Variants in ATP13A4 observed in about 807,000 individuals in gnomAD.
The protein encoded by ATP13A4 is ATPase 13A4, also known as probable cation-transporting ATPase 13A4.
In ATP13A4, 114 loss-of-function variants were observed where a neutral mutation model predicts 142.5. The ratio of observed to expected loss-of-function variants is 0.80; its 90% CI spans 0.69 to 0.93. The LOEUF (loss-of-function observed/expected upper bound fraction) is 0.93. Among genes scored for constraint, ATP13A4 ranks in the 40% least tolerant of loss-of-function variants. The probability of loss-of-function intolerance (pLI) is 0.00; values close to 1 mark genes in which losing one functional copy is unlikely to be tolerated. For missense variants in ATP13A4, 1,392 were observed against 1,454.0 expected (o/e 0.96, Z 0.69); for synonymous variants, 488 against 514.8 (o/e 0.95, Z 0.70).
At chr3:193,526,504 G>A (rs974612622) in intron 1 of ATP13A4, among the ~76,000 whole-genome samples, 9 of 152,122 alleles carry the variant, frequency 5.9e-5, no homozygotes, top group African/African-American at 1.9e-4. Flanking sequence ...CCTAATACGT[G>A]CAGGGCTTAA....
chr3:193,524,238 T>G (rs1721880244), intron 1 of ATP13A4, among the ~76,000 whole-genome samples: 1 of 152,228 alleles, frequency 6.6e-6, no homozygotes, highest in Non-Finnish European at 1.5e-5. Context: ...ACCTCCCAAC[T>G]TAATAGCCAA....
At chr3:193,437,917 C>T (rs542045331) in intron 23 of ATP13A4, among the ~76,000 whole-genome samples, 5 of 150,318 alleles carry the variant, frequency 3.3e-5, no homozygotes, top group Middle Eastern at 3.5e-3. Flanking sequence ...CTGCAATCTC[C>T]ACCTCCCAGG....
chr3:193,445,367 C>T lies in ATP13A4; in HGVS notation c.2153-2811G>A, dbSNP rs145165088. On this transcript the variant is annotated intron_variant, in intron 18 of 29. Coordinates refer to ENST00000342695, the MANE Select transcript of ATP13A4 (RefSeq NM_032279.4). The stretch of plus-strand genomic sequence containing the variant: ...AGGAGAATCACTTGAACCCAGGAGG[C>T]GGAGGTTGCAGCGAGCCGAGATCGC... Among the ~76,000 whole-genome samples, 1,012 of 151,828 alleles carry T rather than the reference C, an allele frequency of 6.7e-3. 14 individuals are homozygous for T. Among genetic ancestry groups the T allele is most frequent in the African/African-American group, 0.023 (968 of 41,390 alleles).
At chr3:193,583,971 C>A (rs1268464187) in intron 1 of ATP13A4, among the ~76,000 whole-genome samples, 1 of 152,118 alleles carries the variant, frequency 6.6e-6, no homozygotes, top group African/African-American at 2.4e-5. Context: ...TCAGGTGTGG[C>A]TGGATAAACT....
intron 1 of ATP13A4, among the ~76,000 whole-genome samples, chr3:193,541,110 G>A (rs925044614): frequency 1.7e-4 from 25 of 150,986 alleles, no homozygotes; most frequent in African/African-American, 5.6e-4. Context: ...TTAGCCGGGC[G>A]TGGTGGCAGG....
chr3:193,461,283 G>T (rs989341375), intron 13 of ATP13A4, among the ~76,000 whole-genome samples: 5 of 152,210 alleles, frequency 3.3e-5, no homozygotes, highest in African/African-American at 1.2e-4. Context: ...TTTTAGATGA[G>T]CGATTACTGT....
At chr3:193,562,656 G>A (rs779591991) in intron 2 of ATP13A4, among the ~76,000 whole-genome samples, 5 of 152,124 alleles carry the variant, frequency 3.3e-5, no homozygotes, top group Non-Finnish European at 5.9e-5. Flanking sequence ...CAGATGATGA[G>A]GTCAGGAGTT....
chr3:193,545,055 A>G (rs1241539622), intron 1 of ATP13A4, among the ~76,000 whole-genome samples: 1 of 152,238 alleles, frequency 6.6e-6, no homozygotes, highest in East Asian at 1.9e-4. Flanking sequence ...AAATATATCA[A>G]ATAAAGTCAA....
Position 193,400,003 on chromosome 3 carries a change from C to T in ATP13A4, c.*2649G>A, listed in dbSNP as rs1459331536. Among the ~76,000 whole-genome samples the T allele has an allele frequency of 1.3e-5, 2 of 152,192 alleles. No individual in the cohort carries two copies. Among genetic ancestry groups the T allele is most frequent in the Non-Finnish European group, 2.9e-5 (2 of 68,034 alleles). ...GAATAGCCACTTGTTCCTCCAATGT[C>T]CTAGAGTACATTCCACTGCTATCAG... On this transcript the variant is annotated 3_prime_UTR_variant, in exon 30 of 30. Transcript: ENST00000342695.
rs1718580096 is a variant in ATP13A4 at position 193,470,885 on chromosome 3, C to G, written c.917G>C (p.Cys306Ser). ...TGTCAGCATGCCTTCATCCACCACA[C>G]AGCTGCCTTCAATCAGAACGGCATC... ...PCDAVLIEGS[C>S]VVDEGMLTGE... The change falls in exon 9 of 30, where the codon TGT becomes TCT. Residue 306 changes from cysteine to serine, a missense_variant. By Grantham distance (112) the Cys-to-Ser change is moderately radical (BLOSUM62 -1). Transcript: ENST00000342695. 2 of 1,613,996 alleles carry G rather than the reference C, an allele frequency of 1.2e-6. No individual in the cohort carries two copies. The highest frequency in any genetic ancestry group is 1.7e-5 in the Admixed American group (1 of 60,008).
chr3:193,497,732 T>C (rs1265175604), intron 3 of ATP13A4, among the ~76,000 whole-genome samples: 1 of 152,072 alleles, frequency 6.6e-6, no homozygotes, highest in African/African-American at 2.4e-5. Context: ...GGAATGTTAT[T>C]TGGCCCTAAA....
At chr3:193,457,251 G>T in intron 15 of ATP13A4, 98 bp from the exon 16 acceptor site, 1 of 1,581,132 alleles carries the variant, frequency 6.3e-7, no homozygotes, top group East Asian at 2.2e-5. Flanking sequence ...TAACAAATAA[G>T]GGGGAAGGTC....
intron 2 of ATP13A4, among the ~76,000 whole-genome samples, chr3:193,505,815 C>T (rs1273697826): frequency 6.6e-6 from 1 of 152,162 alleles, no homozygotes; most frequent in Non-Finnish European, 1.5e-5. Context: ...TCATTGACTT[C>T]TCAGTTTTCA....
rs537036159 is a variant in ATP13A4 at position 193,421,662 on chromosome 3, T to C, written c.2843-6912A>G. The stretch of plus-strand genomic sequence containing the variant: ...GTAAATTGCGACACTAAAATATAAA[T>C]TGGGGGAAGGATGAAAGTCTAGAGA... On this transcript the variant is annotated intron_variant, in intron 25 of 29. Coordinates refer to ENST00000342695, the MANE Select transcript of ATP13A4 (RefSeq NM_032279.4). 6.0e-5 allele frequency among the ~76,000 whole-genome samples: 9 copies of C among 149,708 alleles called. 1 individual carries two copies. Among genetic ancestry groups the C allele is most frequent in the African/African-American group, 2.2e-4 (9 of 40,870 alleles).
At chr3:193,439,166 CATT>C in intron 21 of ATP13A4, 101 bp from the exon 22 acceptor site, 1 of 1,262,880 alleles carries the variant, frequency 7.9e-7, no homozygotes, top group Non-Finnish European at 1.2e-6. Context: ...GGTTCAAACT[CATT>C]ATTTAAGGGA....
rs905604136 is a variant in ATP13A4 at position 193,435,896 on chromosome 3, G to A, written c.2673-152C>T. 187 of 727,862 alleles carry A rather than the reference G, an allele frequency of 2.6e-4. 1 individual carries two copies. In the African/African-American group the frequency reaches 2.8e-3, roughly 11 times the overall value. The allele number at this position is 727,862 out of a possible 1,614,324, so 45.1% of individuals were successfully genotyped here. ...AATGGACAGCCCTGAGCTCATGGAT[G>A]CTGGCTGTCAGTAAACTACACAACC... is the stretch of plus-strand genomic sequence containing the variant. On this transcript the variant is annotated intron_variant, in intron 23 of 29. Coordinates refer to ENST00000342695, the MANE Select transcript of ATP13A4 (RefSeq NM_032279.4).
Position 193,414,733 on chromosome 3 carries a change from A to T in ATP13A4, c.2860T>A (p.Tyr954Asn). The T allele has an allele frequency of 6.2e-7, 1 of 1,614,146 alleles. No individual in the cohort carries two copies. The highest frequency in any genetic ancestry group is 8.5e-7 in the Non-Finnish European group (1 of 1,179,988). Reference protein sequence around the residue: ...IGVTMNLNGAYPKLVPFRPAG... With the variant: ...IGVTMNLNGANPKLVPFRPAG... ...GGTCTGAAAGGCACCAGCTTAGGGT[A>T]GGCACCATTCAGATTCACTATAAAA... Residue 954 changes from tyrosine to asparagine, a missense_variant, in exon 26 of 30, where the codon TAC becomes AAC. Transcript: ENST00000342695.
chr3:193,572,038 G>T (rs891813914), intron 2 of ATP13A4, among the ~76,000 whole-genome samples: 69 of 152,204 alleles, frequency 4.5e-4, no homozygotes, highest in Admixed American at 2.0e-4. Flanking sequence ...CTTGGGCCAG[G>T]AGTTCAAGAC....
intron 17 of ATP13A4, among the ~76,000 whole-genome samples, chr3:193,450,124 A>AG (rs1717191617): frequency 6.6e-6 from 1 of 152,108 alleles, no homozygotes; most frequent in South Asian, 2.1e-4. Context: ...AAAAAAAAAA[A>AG]AAAGAAAAGA....
Sources: gnomAD v4.1 joint callset for allele counts (sites outside exome capture counted in the v4.1 genomes callset) on GRCh38, gnomAD v4.1.1 for gene constraint, MANE v1.5 for transcripts, NCBI Gene and HGNC (gene_info 2026-07-23, HGNC 2026-07-21) for gene names.